Variants in ESF1 observed in about 807,000 individuals in gnomAD.
ESF1 encodes ESF1 homolog.
Under a neutral mutation model 92.0 loss-of-function variants are expected in ESF1, and 58 were observed. That is an observed-to-expected ratio of 0.63 (90% confidence interval 0.51 to 0.78). The LOEUF (loss-of-function observed/expected upper bound fraction) is 0.78. Among genes scored for constraint, ESF1 ranks in the 30% least tolerant of loss-of-function variants. The probability of loss-of-function intolerance (pLI) is 0.00; values close to 1 mark genes in which losing one functional copy is unlikely to be tolerated. For missense variants in ESF1, 922 were observed against 989.1 expected (o/e 0.93, Z 0.91); for synonymous variants, 321 against 313.7 (o/e 1.02, Z -0.24).
At chr20:13,740,749 C>G (rs978816003) in intron 9 of ESF1, among the ~76,000 whole-genome samples, 6 of 152,110 alleles carry the variant, frequency 3.9e-5, no homozygotes, top group African/African-American at 1.4e-4. Context: ...TGTTAAAAGC[C>G]AGGTACCCAA....
rs1397205567 is a variant in ESF1, at chr20:13,780,544, A to T, written c.637+1960T>A. Among the ~76,000 whole-genome samples the T allele has an allele frequency of 2.6e-5, 4 of 152,220 alleles. No homozygotes were observed. The East Asian group carries it at 7.7e-4, about 29-fold the overall frequency. The stretch of plus-strand genomic sequence containing the variant: ...ACTGACTCCCTAGTCCTTGCTATCC[A>T]GAATTCACTCCACTGCCTGATACCT... On this transcript the variant is annotated intron_variant, in intron 2 of 13. Transcript: ENST00000617257.
rs1017583666 is a variant in ESF1, at chr20:13,735,909, G to T, written c.1829-2067C>A. Among the ~76,000 whole-genome samples the T allele has an allele frequency of 1.8e-4, 28 of 152,216 alleles. No homozygotes were observed. In the Middle Eastern group the frequency reaches 0.014, roughly 74 times the overall value. ...TGTCTCAACCTTTTTTGGAGGGATG[G>T]ATAGCATGAGATTTTGATAAAAGTT... On this transcript the variant is annotated intron_variant, in intron 9 of 13. Coordinates refer to ENST00000617257, the MANE Select transcript of ESF1 (RefSeq NM_001276380.2).
At chr20:13,780,644 T>C (rs1263929014) in intron 2 of ESF1, among the ~76,000 whole-genome samples, 4 of 152,200 alleles carry the variant, frequency 2.6e-5, no homozygotes, top group Non-Finnish European at 5.9e-5. Flanking sequence ...TCAAGAACTC[T>C]TGGGCTATCA....
intron 11 of ESF1, among the ~76,000 whole-genome samples, chr20:13,727,891 T>C (rs2049912620): frequency 6.6e-6 from 1 of 152,196 alleles, no homozygotes; most frequent in Non-Finnish European, 1.5e-5. Flanking sequence ...AAAAAGCTTT[T>C]ATATGAAATT....
At chr20:13,775,757 C>T in intron 3 of ESF1, 116 bp downstream of exon 3, 2 of 1,228,924 alleles carry the variant, frequency 1.6e-6, no homozygotes, top group Non-Finnish European at 2.2e-6. Flanking sequence ...TAATCAGAAT[C>T]ATAAAGAATA....
chr20:13,784,853 C>G, intron 1 of ESF1, 27 bp downstream of exon 1: 1 of 594,660 alleles, frequency 1.7e-6, no homozygotes, highest in Non-Finnish European at 3.0e-6. Context: ...ATCTCGAGCT[C>G]TTCAACTCCA....
chr20:13,749,518 AG>A (rs576501810), intron 9 of ESF1, among the ~76,000 whole-genome samples: 213 of 152,136 alleles, frequency 1.4e-3, no homozygotes, highest in African/African-American at 4.9e-3. Flanking sequence ...TACAGATAAA[AG>A]TTTTCCACAT....
chr20:13,734,301 A>G (rs1424695324), intron 9 of ESF1, among the ~76,000 whole-genome samples: 1 of 152,186 alleles, frequency 6.6e-6, no homozygotes, highest in Non-Finnish European at 1.5e-5. Flanking sequence ...GTGAAAGCCT[A>G]TGTTCTCTGC....
At chr20:13,766,982 T>C (rs1979458129) in intron 7 of ESF1, 58 bp from the exon 8 acceptor site, 1 of 1,547,100 alleles carries the variant, frequency 6.5e-7, no homozygotes, top group South Asian at 1.2e-5. Flanking sequence ...AGCTCAAACT[T>C]GTTAAAGAAT....
intron 9 of ESF1, among the ~76,000 whole-genome samples, chr20:13,742,046 T>G (rs2050016711): frequency 6.6e-6 from 1 of 152,150 alleles, no homozygotes; most frequent in Admixed American, 6.6e-5. Context: ...GGTGGAAATG[T>G]CAAGTAATAT....
chr20:13,757,887 C>G (rs1338510570), intron 9 of ESF1, among the ~76,000 whole-genome samples: 1 of 152,114 alleles, frequency 6.6e-6, no homozygotes, highest in Admixed American at 6.5e-5. Context: ...TAAAAATGTT[C>G]ATATTAAAAT....
At chr20:13,723,406 G>A (rs2049881049) in intron 11 of ESF1, among the ~76,000 whole-genome samples, 1 of 151,508 alleles carries the variant, frequency 6.6e-6, no homozygotes, top group African/African-American at 2.4e-5. Context: ...ATAAAGGGAA[G>A]CCCACTAGGA....
chr20:13,719,382 T>C (rs1568707504), intron 11 of ESF1, among the ~76,000 whole-genome samples: 1 of 152,106 alleles, frequency 6.6e-6, no homozygotes, highest in African/African-American at 2.4e-5. Context: ...AAAAATTCCA[T>C]TCAAGGAAAT....
intron 9 of ESF1, among the ~76,000 whole-genome samples, chr20:13,756,084 A>G (rs1978880027): frequency 6.6e-6 from 1 of 152,222 alleles, no homozygotes; most frequent in Non-Finnish European, 1.5e-5. Flanking sequence ...CACATTTCTT[A>G]AGACATAAAT....
intron 13 of ESF1, 129 bp from the exon 14 acceptor site, chr20:13,715,296 T>C: frequency 1.2e-6 from 1 of 864,388 alleles, no homozygotes; most frequent in Non-Finnish European, 1.6e-6. Flanking sequence ...TGAGTGTTTG[T>C]ACTGATTCAT....
Position 13,759,698 on chromosome 20 carries a change from C to T in ESF1, c.1822G>A (p.Val608Ile). The T allele has an allele frequency of 1.3e-6, 2 of 1,576,432 alleles. No individual in the cohort carries two copies. Among genetic ancestry groups the T allele is most frequent in the South Asian group, 2.4e-5 (2 of 84,552 alleles). Residue 608 changes from valine to isoleucine, a missense_variant, in exon 9 of 14, where the codon GTT becomes ATT. Val to Ile is a conservative substitution (Grantham distance 29, BLOSUM62 3). Transcript: ENST00000617257. Reference protein sequence around the residue: ...ENDMEMEIKWVPGLKESAEEM... With the variant: ...ENDMEMEIKWIPGLKESAEEM... Reference sequence around the variant, plus strand: ...TTTAGTATCTAATTCTTACCTGGAACCCATTTAATTTCCATTTCCATATCA... The same window carrying T: ...TTTAGTATCTAATTCTTACCTGGAATCCATTTAATTTCCATTTCCATATCA...
At chr20:13,726,607 C>A (rs901998914) in intron 11 of ESF1, among the ~76,000 whole-genome samples, 6 of 152,156 alleles carry the variant, frequency 3.9e-5, no homozygotes, top group East Asian at 3.8e-4. Context: ...ATTTACCATA[C>A]CCTCATACTA....
At chr20:13,729,937 A>G (rs1045164044) in intron 10 of ESF1, among the ~76,000 whole-genome samples, 3 of 152,238 alleles carry the variant, frequency 2.0e-5, no homozygotes, top group Non-Finnish European at 2.9e-5. Context: ...ATCTCTAGCA[A>G]TCTAAAACAT....
At chr20:13,775,085 AAAAAAAAAAAAAAATCAGATTTAACTT>A in intron 4 of ESF1, 45 bp downstream of exon 4, 1 of 623,494 alleles carries the variant, frequency 1.6e-6, no homozygotes, top group Non-Finnish European at 2.2e-6. Flanking sequence ...CTATGGCCAA[AAAAAAAAAAAAAAATCAGATTTAACTT>A]AAAATGCCTA....
Sources: gnomAD v4.1 joint callset for allele counts (sites outside exome capture counted in the v4.1 genomes callset) on GRCh38, gnomAD v4.1.1 for gene constraint, MANE v1.5 for transcripts, NCBI Gene and HGNC (gene_info 2026-07-23, HGNC 2026-07-21) for gene names.